Variants in PHF14 observed in about 807,000 individuals in gnomAD.
PHF14 encodes the protein PHD finger protein 14.
In PHF14, 55 loss-of-function variants were observed where a neutral mutation model predicts 117.9. That is an observed-to-expected ratio of 0.47 (90% CI 0.38 to 0.58). The LOEUF (loss-of-function observed/expected upper bound fraction) is 0.58, where lower values mean the gene tolerates loss of function less well. Among genes scored for constraint, PHF14 ranks in the 20% least tolerant of loss-of-function variants. PHF14 has a pLI of 0.00. For synonymous variants in PHF14, 409 were observed against 368.6 expected, an observed-to-expected ratio of 1.11 and a Z score of -1.26; for missense variants, 978 against 1,122.2, an observed-to-expected ratio of 0.87 and a Z score of 1.84.
chr7:10,985,084 C>T (rs950137399), intron 3 of PHF14, among the ~76,000 whole-genome samples: 4 of 151,968 alleles, frequency 2.6e-5, no homozygotes, highest in African/African-American at 4.8e-5. Flanking sequence ...AATTATGTCC[C>T]TCAAATTAGA....
chr7:10,987,391 C>T (rs1276490229), intron 3 of PHF14, among the ~76,000 whole-genome samples: 1 of 151,850 alleles, frequency 6.6e-6, no homozygotes, highest in Non-Finnish European at 1.5e-5. Context: ...AAAATTTAGC[C>T]TATTGTATAT....
intron 16 of PHF14, among the ~76,000 whole-genome samples, chr7:11,089,426 C>G (rs1304322000): frequency 6.6e-6 from 1 of 152,136 alleles, no homozygotes; most frequent in South Asian, 2.1e-4. Context: ...CATGGTGGCT[C>G]ATACCTGTAA....
At chr7:11,092,240 TA>T (rs1012969963) in intron 16 of PHF14, among the ~76,000 whole-genome samples, 1 of 152,238 alleles carries the variant, frequency 6.6e-6, no homozygotes, top group African/African-American at 2.4e-5. Context: ...TCATCCCAGC[TA>T]AATTTGCTCT....
Position 10,982,775 on chromosome 7 carries a change from T to C in PHF14, c.516T>C (p.Ala172=), listed in dbSNP as rs745864970. 55 of 1,613,742 alleles carry C rather than the reference T, an allele frequency of 3.4e-5. 1 individual carries two copies. The South Asian group carries it at 5.4e-4, about 16-fold the overall frequency. The change falls in exon 3 of 18, where the codon GCT becomes GCC. Residue 172 remains alanine (A), a synonymous_variant. Transcript: ENST00000634607. ...TSPSVPTTTT[A]TEEQVSEPKK... ...CTTCTGTTCCCACTACGACAACCGC[T>C]ACAGAGGAACAAGTCAGCGAGCCAA...
At position 10,974,270 on chromosome 7, in the gene PHF14, G is replaced by A. The variant is rs1781784692; in HGVS notation, c.-54G>A. On this transcript the variant is annotated 5_prime_UTR_variant, in exon 1 of 18. Coordinates refer to ENST00000634607, the MANE Select transcript of PHF14 (RefSeq NM_001007157.2). ...AGTCCCCGACCTCGGCGCTGCCTGG[G>A]CTCCTGCAGCCTCTCCCTAAGTCTT... The A allele has an allele frequency of 5.2e-6, 8 of 1,541,536 alleles. 1 individual carries two copies. The South Asian group carries it at 7.1e-5, about 14-fold the overall frequency.
At chr7:11,107,957 T>C (rs974868087) in intron 16 of PHF14, 3 of 154,724 alleles carry the variant, frequency 1.9e-5, no homozygotes, top group Non-Finnish European at 4.3e-5. Flanking sequence ...CTTACGAGTT[T>C]TTTTAAATGG....
intron 16 of PHF14, chr7:11,106,369 T>G (rs1787264902): frequency 2.0e-6 from 2 of 976,516 alleles, no homozygotes; most frequent in Non-Finnish European, 2.4e-6. Flanking sequence ...GTTCAAGCCC[T>G]CCACGTTAGT....
intron 17 of PHF14, among the ~76,000 whole-genome samples, chr7:11,162,762 C>T (rs1040902993): frequency 6.9e-6 from 1 of 145,268 alleles, no homozygotes; most frequent in Non-Finnish European, 1.5e-5. Context: ...AGTGCATTGG[C>T]GCAACCTCCG....
At chr7:11,128,830 GT>G (rs1294966125) in intron 17 of PHF14, among the ~76,000 whole-genome samples, 4 of 150,176 alleles carry the variant, frequency 2.7e-5, no homozygotes, top group South Asian at 4.2e-4. Context: ...ATATCATCAG[GT>G]TTTTTTTCTT....
chr7:11,066,118 G>A (rs941754477), intron 16 of PHF14, among the ~76,000 whole-genome samples: 5 of 152,022 alleles, frequency 3.3e-5, no homozygotes, highest in East Asian at 1.9e-4. Flanking sequence ...ATTGTTGTTC[G>A]CACTTTTATT....
At chr7:11,152,586 A>T (rs943892023) in intron 17 of PHF14, among the ~76,000 whole-genome samples, 1 of 152,194 alleles carries the variant, frequency 6.6e-6, no homozygotes, top group African/African-American at 2.4e-5. Flanking sequence ...ATAACTATTC[A>T]TAAGAACTAT....
At chr7:11,146,821 A>G (rs538635234) in intron 17 of PHF14, among the ~76,000 whole-genome samples, 33 of 152,074 alleles carry the variant, frequency 2.2e-4, no homozygotes, top group Non-Finnish European at 4.6e-4. Flanking sequence ...GTGCAAATCA[A>G]CGATGCAGCT....
rs181795118 is a variant in PHF14 at position 11,099,252 on chromosome 7, A to G, written c.2655-12098A>G. ...ACACATTTAGTATTTATTGTATCAC[A>G]TTCTTTGACTTAAAATCTGTATTAT... On this transcript the variant is annotated intron_variant, in intron 16 of 17. Coordinates refer to ENST00000634607, the MANE Select transcript of PHF14 (RefSeq NM_001007157.2). Among the ~76,000 whole-genome samples, 197 of 152,254 alleles carry G rather than the reference A, an allele frequency of 1.3e-3. 1 individual carries two copies. The highest frequency in any genetic ancestry group is 5.0e-3 in the East Asian group (26 of 5,178).
intron 13 of PHF14, among the ~76,000 whole-genome samples, chr7:11,043,128 T>C (rs1784552520): frequency 6.6e-6 from 1 of 152,034 alleles, no homozygotes; most frequent in Non-Finnish European, 1.5e-5. Context: ...AAATTGAATT[T>C]ATCTAAAATT....
At chr7:11,030,132 A>G (rs977359391) in intron 7 of PHF14, among the ~76,000 whole-genome samples, 1 of 150,550 alleles carries the variant, frequency 6.6e-6, no homozygotes, top group African/African-American at 2.5e-5. Flanking sequence ...AGGCTACTAG[A>G]TGAACAGTGA....
At chr7:11,117,656 T>A (rs992008726) in intron 17 of PHF14, among the ~76,000 whole-genome samples, 3 of 97,060 alleles carry the variant, frequency 3.1e-5, no homozygotes, top group African/African-American at 1.1e-4. Context: ...TATTTTCAAG[T>A]AAAACAGTCA....
intron 13 of PHF14, among the ~76,000 whole-genome samples, chr7:11,047,843 AAGGGAGGG>A (rs1054533955): frequency 9.9e-6 from 1 of 101,232 alleles, no homozygotes; most frequent in Non-Finnish European, 1.9e-5. Context: ...GGAAGGAAAG[AAGGGAGGG>A]AGGGAGGGCG....
intron 17 of PHF14, among the ~76,000 whole-genome samples, chr7:11,141,697 G>A (rs1033181469): frequency 3.3e-5 from 5 of 151,896 alleles, no homozygotes; most frequent in Admixed American, 1.3e-4. Context: ...TAATAGTTTC[G>A]TGTTGCATCA....
In PHF14 at chr7:11,036,401, A is replaced by G. The variant is rs1027627134; in HGVS notation, c.1603-17A>G. 1.3e-6 allele frequency: 2 copies of G among 1,566,364 alleles called. No homozygotes were observed. Among genetic ancestry groups the G allele is most frequent in the African/African-American group, 2.7e-5 (2 of 73,018 alleles). ...CATTTTATTATCTTTTAAAATTTGA[A>G]TACATTTCTTTTATAGGCAAGGATC... is the stretch of plus-strand genomic sequence containing the variant. On this transcript the variant is annotated splice_polypyrimidine_tract_variant and intron_variant, in intron 8 of 17. Transcript: ENST00000634607.
Sources: gnomAD v4.1 joint callset for allele counts (sites outside exome capture counted in the v4.1 genomes callset) on GRCh38, gnomAD v4.1.1 for gene constraint, MANE v1.5 for transcripts, NCBI Gene and HGNC (gene_info 2026-07-23, HGNC 2026-07-21) for gene names.